VAV3: variants seen among roughly 807,000 people sequenced by gnomAD.
VAV3 encodes the protein guanine nucleotide exchange factor VAV3.
In VAV3, 94 loss-of-function variants were observed where a neutral mutation model predicts 131.2. That is an observed-to-expected ratio of 0.72 (90% CI 0.61 to 0.85). VAV3 has a LOEUF of 0.85. Ranked by LOEUF, VAV3 falls within the 40% of genes least tolerant of loss-of-function variation. VAV3 has a pLI of 0.00. For synonymous variants in VAV3, 349 were observed against 342.0 expected (o/e 1.02, Z -0.22); for missense variants, 939 against 1,002.7 (o/e 0.94, Z 0.86).
chr1:107,747,077 A>G (rs1406210921), intron 15 of VAV3, among the ~76,000 whole-genome samples: 1 of 152,030 alleles, frequency 6.6e-6, no homozygotes, highest in African/African-American at 2.4e-5. Flanking sequence ...ATGGGGTATC[A>G]CTATGTTGGC....
At chr1:107,786,556 T>C (rs1666017049) in intron 2 of VAV3, among the ~76,000 whole-genome samples, 1 of 152,234 alleles carries the variant, frequency 6.6e-6, no homozygotes. Context: ...CATAGAAGAA[T>C]GTCCTATACT....
chr1:107,718,217 C>A (rs563641043), intron 15 of VAV3, among the ~76,000 whole-genome samples: 1 of 152,016 alleles, frequency 6.6e-6, no homozygotes, highest in African/African-American at 2.4e-5. Flanking sequence ...GGCAATCAAG[C>A]AAGAGAAAGA....
At chr1:107,674,464 C>G (rs1284513945) in intron 19 of VAV3, among the ~76,000 whole-genome samples, 1 of 152,190 alleles carries the variant, frequency 6.6e-6, no homozygotes, top group Non-Finnish European at 1.5e-5. Context: ...TAACAGCAGC[C>G]ACTAATGAAC....
intron 15 of VAV3, among the ~76,000 whole-genome samples, chr1:107,726,984 T>C (rs558481049): frequency 1.6e-3 from 247 of 152,304 alleles, no homozygotes; most frequent in Admixed American, 4.6e-3. Flanking sequence ...AACATTATTT[T>C]TGAAAATAAA....
chr1:107,640,552 A>G (rs1447046487), intron 20 of VAV3, among the ~76,000 whole-genome samples: 1 of 152,222 alleles, frequency 6.6e-6, no homozygotes, highest in East Asian at 1.9e-4. Context: ...TATGTTTATT[A>G]TCCTGATTAT....
At chr1:107,714,808 GAATA>G (rs1660997184) in intron 15 of VAV3, among the ~76,000 whole-genome samples, 1 of 152,014 alleles carries the variant, frequency 6.6e-6, no homozygotes. Context: ...CCAGGGAAAT[GAATA>G]AATACTTTCA....
chr1:107,932,371 G>A (rs1358827654), intron 1 of VAV3, among the ~76,000 whole-genome samples: 1 of 152,206 alleles, frequency 6.6e-6, no homozygotes, highest in Non-Finnish European at 1.5e-5. Context: ...CTGCCCAGGA[G>A]TGAGTGACAT....
At chr1:107,748,563 C>T (rs1276021934) in intron 15 of VAV3, among the ~76,000 whole-genome samples, 2 of 152,096 alleles carry the variant, frequency 1.3e-5, no homozygotes, top group East Asian at 1.9e-4. Flanking sequence ...AAGATATATG[C>T]ATTTACATAT....
chr1:107,761,160 C>A (rs369867371), intron 9 of VAV3, among the ~76,000 whole-genome samples: 1 of 152,022 alleles, frequency 6.6e-6, no homozygotes, highest in South Asian at 2.1e-4. Context: ...GAGGCCGAGG[C>A]GGGCAGATCA....
intron 19 of VAV3, among the ~76,000 whole-genome samples, chr1:107,661,099 A>G (rs913710353): frequency 6.6e-6 from 1 of 152,184 alleles, no homozygotes; most frequent in Non-Finnish European, 1.5e-5. Context: ...CTGATGTGTA[A>G]AATTATGAGA....
At chr1:107,682,160 A>C (rs1658680647) in intron 19 of VAV3, among the ~76,000 whole-genome samples, 1 of 152,174 alleles carries the variant, frequency 6.6e-6, no homozygotes, top group Admixed American at 6.6e-5. Flanking sequence ...GAATTTACTA[A>C]TCTAAATAAT....
chr1:107,617,803 T>G (rs1311015319), intron 20 of VAV3, among the ~76,000 whole-genome samples, 171 bp from the exon 21 acceptor site: 2 of 152,232 alleles, frequency 1.3e-5, no homozygotes, highest in Non-Finnish European at 1.5e-5. Context: ...AAAGCAGAGA[T>G]AGTTTTCTTG....
chr1:107,781,806 A>T lies in VAV3; in HGVS notation c.322-2314T>A, dbSNP rs184120602. The stretch of plus-strand genomic sequence containing the variant: ...TATACAACCAATCAGATAAAACTTG[A>T]TATTGATTAATTCCCCATAATAAAG... On this transcript the variant is annotated intron_variant, in intron 2 of 26. Coordinates refer to ENST00000370056, the MANE Select transcript of VAV3 (RefSeq NM_006113.5). Among the ~76,000 whole-genome samples the T allele has an allele frequency of 1.6e-3, 238 of 152,368 alleles. 3 individuals carry two copies. The highest frequency in any genetic ancestry group is 5.7e-3 in the African/African-American group (236 of 41,598).
At chr1:107,752,695 G>T (rs971571854) in intron 12 of VAV3, among the ~76,000 whole-genome samples, 1 of 152,114 alleles carries the variant, frequency 6.6e-6, no homozygotes, top group Admixed American at 6.5e-5. Context: ...AACACACAAA[G>T]ACAATATTCA....
intron 19 of VAV3, among the ~76,000 whole-genome samples, chr1:107,650,694 T>A (rs1426626638): frequency 7.0e-6 from 1 of 142,770 alleles, no homozygotes; most frequent in Middle Eastern, 3.2e-3. Context: ...TATCTTCTAA[T>A]GCTATCCCTC....
At chr1:107,671,680 G>A (rs1657804187) in intron 19 of VAV3, among the ~76,000 whole-genome samples, 1 of 152,056 alleles carries the variant, frequency 6.6e-6, no homozygotes, top group South Asian at 2.1e-4. Flanking sequence ...AACAACGGGA[G>A]GAGCTACTCT....
intron 15 of VAV3, among the ~76,000 whole-genome samples, chr1:107,707,979 T>C (rs946917450): frequency 6.6e-6 from 1 of 152,254 alleles, no homozygotes; most frequent in Non-Finnish European, 1.5e-5. Context: ...TCATATACTT[T>C]TTCACATTTA....
In VAV3 at chr1:107,649,117, G is replaced by A. The variant is rs576346156; in HGVS notation, c.1778-6362C>T. Among the ~76,000 whole-genome samples, 4 of 152,106 alleles carry A rather than the reference G, an allele frequency of 2.6e-5. No homozygotes were observed. In the South Asian group the frequency reaches 8.3e-4, roughly 32 times the overall value. The stretch of plus-strand genomic sequence containing the variant: ...TTGGACAATCTGTAGAACTCTTAGA[G>A]CCTGACACGTCTGTATGCAGCTCTG... On this transcript the variant is annotated intron_variant, in intron 19 of 26. Coordinates refer to ENST00000370056, the MANE Select transcript of VAV3 (RefSeq NM_006113.5).
intron 12 of VAV3, among the ~76,000 whole-genome samples, chr1:107,752,510 GA>G (rs376430056): frequency 6.6e-6 from 1 of 152,128 alleles, no homozygotes; most frequent in South Asian, 2.1e-4. Flanking sequence ...TCAACAGAGT[GA>G]AAAGCCAACA....
Sources: gnomAD v4.1 joint callset for allele counts (sites outside exome capture counted in the v4.1 genomes callset) on GRCh38, gnomAD v4.1.1 for gene constraint, MANE v1.5 for transcripts, NCBI Gene and HGNC (gene_info 2026-07-23, HGNC 2026-07-21) for gene names.